Variants in MACF1 observed in about 807,000 individuals in gnomAD.
MACF1 encodes the protein microtubule-actin cross-linking factor 1.
MACF1 carries 193 observed loss-of-function variants against 854.8 expected under a neutral mutation model. That is an observed-to-expected ratio of 0.23 (90% CI 0.20 to 0.25). The LOEUF (loss-of-function observed/expected upper bound fraction) is 0.25. Among genes scored for constraint, MACF1 ranks in the 10% least tolerant of loss-of-function variants. MACF1 has a pLI of 1.00. For synonymous variants in MACF1, 3,185 were observed against 3,226.7 expected (o/e 0.99, Z 0.44); for missense variants, 7,722 against 8,929.1 (o/e 0.86, Z 5.45).
intron 97 of MACF1, among the ~76,000 whole-genome samples, chr1:39,470,907 T>C (rs1570199610): frequency 6.6e-6 from 1 of 152,346 alleles, no homozygotes; most frequent in East Asian, 1.9e-4. Context: ...CTATTTATGA[T>C]AACATCATGC....
chr1:39,304,785 A>T (rs1646134441), intron 23 of MACF1: 12 of 286,776 alleles, frequency 4.2e-5, no homozygotes, highest in Middle Eastern at 1.4e-3. Context: ...GATGGTCTCG[A>T]TCTCCTGACC....
Position 39,315,609 on chromosome 1 carries a change from G to A in MACF1, c.3367G>A (p.Val1123Ile). Reference protein sequence around the residue: ...FLHQSPSSSSVPTLRSELNLL... With the variant: ...FLHQSPSSSSIPTLRSELNLL... ...CCATCAGTCTCCATCTAGTTCAAGT[G>A]TCCCAACTCTGCGCTCAGAACTGAA... The change falls in exon 27 of 101, where the codon GTC becomes ATC. Residue 1123 changes from valine (V) to isoleucine (I), a missense_variant. By Grantham distance (29) the Val-to-Ile change is conservative. Coordinates refer to ENST00000564288, the MANE Select transcript of MACF1 (RefSeq NM_001394062.1). 1 of 1,614,116 alleles carries A rather than the reference G, an allele frequency of 6.2e-7. No individual in the cohort carries two copies. Among genetic ancestry groups the A allele is most frequent in the Non-Finnish European group, 8.5e-7 (1 of 1,180,010 alleles).
chr1:39,468,089 A>C (rs1644706108), intron 95 of MACF1: 1 of 152,378 alleles, frequency 6.6e-6, no homozygotes, highest in Non-Finnish European at 1.5e-5. Flanking sequence ...AGTGATTTTT[A>C]TCCCAATAGA....
intron 2 of MACF1, among the ~76,000 whole-genome samples, chr1:39,181,479 T>TCTC (rs780102189): frequency 1.3e-5 from 2 of 152,094 alleles, no homozygotes; most frequent in East Asian, 1.9e-4. Flanking sequence ...TCTTCTTTCT[T>TCTC]CTCCTCCTCC....
At chr1:39,338,580 T>C (rs370232972) in intron 38 of MACF1, among the ~76,000 whole-genome samples, 2 of 152,350 alleles carry the variant, frequency 1.3e-5, no homozygotes, top group South Asian at 2.1e-4. Context: ...GGCAACTGCT[T>C]GTGCTGTGCT....
At chr1:39,440,111 C>CTTTTCTTTTCTTTTCTTTTCT (rs1553414036) in intron 72 of MACF1, among the ~76,000 whole-genome samples, 1 of 64,566 alleles carries the variant, frequency 1.5e-5, no homozygotes, top group African/African-American at 6.7e-5. Context: ...CTTTTCTTTT[C>CTTTTCTTTTCTTTTCTTTTCT]TTTTTTTTTT....
intron 2 of MACF1, among the ~76,000 whole-genome samples, chr1:39,238,575 T>C (rs1644885717): frequency 6.6e-6 from 1 of 152,166 alleles, no homozygotes. Flanking sequence ...ACTTTGTAGT[T>C]GAATTCCAGT....
chr1:39,153,725 C>G (rs1643628120), intron 2 of MACF1, among the ~76,000 whole-genome samples: 2 of 152,204 alleles, frequency 1.3e-5, no homozygotes, highest in Admixed American at 6.5e-5. Context: ...AAGTATGAAG[C>G]CTGACTTTTT....
Position 39,176,109 on chromosome 1 carries a change from CA to C in MACF1, c.221-55055del, listed in dbSNP as rs773763271. The stretch of plus-strand genomic sequence containing the variant: ...TGGGCGACAGAGCGAGACTCCTTCT[CA>C]AAAAAAAAAAAAAAAAAGCCAGGTG... On this transcript the variant is annotated intron_variant, in intron 2 of 93. Coordinates refer to the MACF1 transcript ENST00000361689. Among the ~76,000 whole-genome samples the C allele has an allele frequency of 1.0e-3, 14 of 13,348 alleles. 2 individuals carry two copies. Among genetic ancestry groups the C allele is most frequent in the East Asian group, 0.023 (2 of 86 alleles). 8.8% of individuals were successfully genotyped at this position (13,348 alleles called of 152,430 possible).
chr1:39,398,131 C>T (rs938202909), intron 58 of MACF1, among the ~76,000 whole-genome samples: 8 of 149,870 alleles, frequency 5.3e-5, no homozygotes, highest in African/African-American at 7.4e-5. Flanking sequence ...TCCCACTCCC[C>T]GCCACTCCTT....
Position 39,452,542 on chromosome 1 carries a change from A to G in MACF1, c.20614-142A>G, listed in dbSNP as rs1414841508. On this transcript the variant is annotated intron_variant, in intron 86 of 100. Transcript: ENST00000564288. ...GAATTCAGTTGATTTTCAAAGATCT[A>G]CAAATGAAAGATAACCTTTGTGGAG... The G allele has an allele frequency of 4.9e-6, 6 of 1,214,026 alleles. No individual in the cohort carries two copies. In the South Asian group the frequency reaches 6.0e-5, roughly 12 times the overall value. The allele number at this position is 1,214,026 out of a possible 1,614,324, so 75.2% of individuals were successfully genotyped here. A position where few individuals can be genotyped will look rare whatever the true frequency, so the allele number is the denominator to read the frequency against.
chr1:39,221,436 T>G (rs1389507712), intron 1 of MACF1, among the ~76,000 whole-genome samples: 2 of 152,238 alleles, frequency 1.3e-5, no homozygotes, highest in Non-Finnish European at 2.9e-5. Flanking sequence ...CTGACTGCTC[T>G]TCTGAACTCT....
At position 39,388,562 on chromosome 1, in the gene MACF1, C is replaced by T. The variant is rs531514480; in HGVS notation, c.15720C>T (p.Leu5240=). Residue 5240 remains leucine, a synonymous_variant, in exon 58 of 101, where the codon CTC becomes CTT. Transcript: ENST00000564288. ...ACTTCTACAGGAAATTGAAAGGACT[C>T]AATGACGCGACCACAGCAGCAGAGG... The part of the protein sequence containing the change: ...VEDFYRKLKG[L]NDATTAAEEA... The T allele has an allele frequency of 1.9e-5, 31 of 1,614,042 alleles. No homozygotes were observed. The highest frequency in any genetic ancestry group is 2.7e-5 in the African/African-American group (2 of 75,012).
rs1185106490 is a variant in MACF1 at position 39,334,242 on chromosome 1, A to G, written c.7654A>G (p.Lys2552Glu). Residue 2552 changes from lysine to glutamate, a missense_variant, in exon 37 of 101, where the codon AAG (lysine) becomes GAG (glutamate). Lys to Glu is a moderately conservative substitution (Grantham distance 56). Coordinates refer to ENST00000564288, the MANE Select transcript of MACF1 (RefSeq NM_001394062.1). ...NIHQIFNPETKENISLPKAIK... is the reference protein window; with the variant it reads ...NIHQIFNPETEENISLPKAIK... Reference sequence around the variant, plus strand: ...CCATCAGATTTTTAATCCTGAAACGAAGGAAAATATTTCCCTCCCTAAAGC... The same window carrying G: ...CCATCAGATTTTTAATCCTGAAACGGAGGAAAATATTTCCCTCCCTAAAGC... 1 of 1,614,106 alleles carries G rather than the reference A, an allele frequency of 6.2e-7. No individual in the cohort carries two copies. Among genetic ancestry groups the G allele is most frequent in the East Asian group, 2.2e-5 (1 of 44,888 alleles).
rs1296089257 is a variant in MACF1, at chr1:39,300,215, A to G, written c.2487A>G (p.Glu829=). Residue 829 remains glutamate, a synonymous_variant, in exon 22 of 101, where the codon GAA becomes GAG. Coordinates refer to ENST00000564288, the MANE Select transcript of MACF1 (RefSeq NM_001394062.1). Reference sequence around the variant, plus strand: ...TTTTTCTTATCATTTTGTAGGATGAAAAGGAGCAGCTTATACAGTCCAAGA... The same window carrying G: ...TTTTTCTTATCATTTTGTAGGATGAGAAGGAGCAGCTTATACAGTCCAAGA... ...LEDLLQDSMD[E]KEQLIQSKSS... 6.2e-7 allele frequency: 1 copy of G among 1,610,854 alleles called. No homozygotes were observed. Among genetic ancestry groups the G allele is most frequent in the Non-Finnish European group, 8.5e-7 (1 of 1,179,216 alleles).
intron 66 of MACF1, 142 bp from the exon 67 acceptor site, chr1:39,432,393 A>T: frequency 3.1e-6 from 2 of 637,962 alleles, no homozygotes; most frequent in Non-Finnish European, 2.6e-6. Flanking sequence ...GATTTTATGA[A>T]ATTCTTCCCA....
In MACF1 at chr1:39,469,545, A is replaced by C. The variant is rs1167132710; in HGVS notation, c.21890-2A>C. ...TTTCTGTTTACGTATTTTTTATTCT[A>C]GTTCACCATCCTGGGAGTAAAATAA... On this transcript the variant is annotated splice_acceptor_variant, in intron 96 of 100. Transcript: ENST00000564288. LOFTEE classifies it high-confidence loss of function. 1.9e-6 allele frequency: 3 copies of C among 1,547,720 alleles called. No homozygotes were observed. In the African/African-American group the frequency reaches 4.1e-5, roughly 21 times the overall value.
intron 95 of MACF1, chr1:39,468,261 G>A (rs1046299227): frequency 2.2e-5 from 4 of 180,128 alleles, no homozygotes; most frequent in Admixed American, 5.7e-5. Context: ...GATGGCACAC[G>A]CCTAATAAAC....
chr1:39,406,721 T>A (rs1187738692), intron 58 of MACF1, among the ~76,000 whole-genome samples: 1 of 102,930 alleles, frequency 9.7e-6, no homozygotes, highest in Non-Finnish European at 1.7e-5. Context: ...GGCGACAGAG[T>A]GAGACAGAGT....
Sources: gnomAD v4.1 joint callset for allele counts (sites outside exome capture counted in the v4.1 genomes callset) on GRCh38, gnomAD v4.1.1 for gene constraint, MANE v1.5 for transcripts, NCBI Gene and HGNC (gene_info 2026-07-23, HGNC 2026-07-21) for gene names.